FGF12: variants seen among roughly 807,000 people sequenced by gnomAD.
FGF12 encodes the protein fibroblast growth factor 12, also known as fibroblast growth factor 12B.
In FGF12, 14 loss-of-function variants were observed where a neutral mutation model predicts 23.6. The observed-to-expected ratio is 0.59, with a 90% CI of 0.39 to 0.93. FGF12 has a LOEUF of 0.93. Among genes scored for constraint, FGF12 ranks in the 40% least tolerant of loss-of-function variants. The pLI is 0.00. For synonymous variants in FGF12, 62 were observed against 77.3 expected (o/e 0.80, Z 1.04); for missense variants, 175 against 217.8 (o/e 0.80, Z 1.24).
intron 2 of FGF12, among the ~76,000 whole-genome samples, chr3:192,471,531 G>C (rs150021075): frequency 6.6e-6 from 1 of 152,084 alleles, no homozygotes; most frequent in Non-Finnish European, 1.5e-5. Context: ...GTATACCATG[G>C]TTCATATTTT....
In FGF12 at chr3:192,167,773, T is replaced by TATAA. The variant is rs1560175832; in HGVS notation, c.427+2684_427+2685insTTAT. 1.0e-3 allele frequency among the ~76,000 whole-genome samples: 13 copies of TATAA among 12,554 alleles called. 1 individual carries two copies. Among genetic ancestry groups the TATAA allele is most frequent in the African/African-American group, 1.7e-3 (9 of 5,158 alleles). The allele number at this position is 12,554 out of a possible 152,430, so 8.2% of individuals were successfully genotyped here. A position where few individuals can be genotyped will look rare whatever the true frequency, so the allele number is the denominator to read the frequency against. On this transcript the variant is annotated intron_variant, in intron 5 of 5. Transcript: ENST00000445105. ...TATATATATATATATATATATAAAA[T>TATAA]TTTTTTTTTTTTTTTTTTTTGAGAA...
chr3:192,404,577 G>A (rs145801131), intron 2 of FGF12, among the ~76,000 whole-genome samples: 25 of 152,294 alleles, frequency 1.6e-4, no homozygotes, highest in African/African-American at 4.1e-4. Context: ...ATATTCTAGT[G>A]TGCCTGACTA....
intron 4 of FGF12, among the ~76,000 whole-genome samples, chr3:192,221,990 C>T (rs1486775217): frequency 6.6e-6 from 1 of 152,104 alleles, no homozygotes; most frequent in Admixed American, 6.6e-5. Context: ...ATTCAAATTA[C>T]ATTTTTACCA....
chr3:192,597,858 C>A (rs903080576), intron 2 of FGF12, among the ~76,000 whole-genome samples: 1 of 152,246 alleles, frequency 6.6e-6, no homozygotes, highest in Non-Finnish European at 1.5e-5. Flanking sequence ...CTGGAGATGA[C>A]AATCTGGCAT....
intron 2 of FGF12, among the ~76,000 whole-genome samples, chr3:192,586,125 G>C (rs1713364781): frequency 6.6e-6 from 1 of 152,164 alleles, no homozygotes; most frequent in Non-Finnish European, 1.5e-5. Flanking sequence ...AAAAAGGTAT[G>C]AGTCTTTGCT....
At chr3:192,371,653 G>A (rs1267457028) in intron 2 of FGF12, among the ~76,000 whole-genome samples, 2 of 152,196 alleles carry the variant, frequency 1.3e-5, no homozygotes, top group African/African-American at 2.4e-5. Context: ...GAAAGGAAAT[G>A]CCAAGCAGTT....
chr3:192,699,884 T>C (rs773099673), intron 2 of FGF12, among the ~76,000 whole-genome samples: 15 of 152,332 alleles, frequency 9.8e-5, no homozygotes, highest in Non-Finnish European at 1.8e-4. Flanking sequence ...CAATGTCCCA[T>C]GCTGGAGTAA....
At chr3:192,308,213 C>CA (rs1715752274) in intron 4 of FGF12, among the ~76,000 whole-genome samples, 1 of 152,070 alleles carries the variant, frequency 6.6e-6, no homozygotes, top group Non-Finnish European at 1.5e-5. Flanking sequence ...AAAGAACAAA[C>CA]AAGTAAATGT....
At chr3:192,490,298 C>T (rs143962233) in intron 2 of FGF12, among the ~76,000 whole-genome samples, 241 of 152,124 alleles carry the variant, frequency 1.6e-3, no homozygotes, top group African/African-American at 5.4e-3. Flanking sequence ...ACCTCCATCA[C>T]TGAAGTATTT....
At chr3:192,584,102 T>A (rs1713272469) in intron 2 of FGF12, among the ~76,000 whole-genome samples, 1 of 152,198 alleles carries the variant, frequency 6.6e-6, no homozygotes, top group Non-Finnish European at 1.5e-5. Context: ...CACACCTTCA[T>A]TTCCTCTGAT....
At chr3:192,158,007 A>G (rs1331255247) in intron 5 of FGF12, among the ~76,000 whole-genome samples, 1 of 152,236 alleles carries the variant, frequency 6.6e-6, no homozygotes, top group Non-Finnish European at 1.5e-5. Flanking sequence ...CAGGGCAGTC[A>G]GCTTTAAAAT....
intron 2 of FGF12, among the ~76,000 whole-genome samples, chr3:192,467,488 G>A (rs1577000463): frequency 6.6e-6 from 1 of 152,308 alleles, no homozygotes; most frequent in East Asian, 1.9e-4. Context: ...CGCCGAACAG[G>A]TGAGCGGGAC....
intron 4 of FGF12, among the ~76,000 whole-genome samples, chr3:192,277,794 G>A (rs147813062): frequency 0.013 from 1,981 of 152,178 alleles, 35 homozygotes; most frequent in East Asian, 0.045. Flanking sequence ...ACAGAGTCTC[G>A]CTCTGTCGCC....
intron 4 of FGF12, among the ~76,000 whole-genome samples, chr3:192,176,197 T>G (rs895316203): frequency 6.6e-6 from 1 of 152,250 alleles, no homozygotes; most frequent in Non-Finnish European, 1.5e-5. Context: ...CCCCACTTCC[T>G]AACCCTCAAG....
At chr3:192,233,404 GT>G (rs1459134350) in intron 4 of FGF12, among the ~76,000 whole-genome samples, 2 of 151,920 alleles carry the variant, frequency 1.3e-5, no homozygotes, top group African/African-American at 4.8e-5. Context: ...GGGTTGTTTG[GT>G]TTTTCTTGTT....
At chr3:192,291,269 G>A (rs1714744338) in intron 4 of FGF12, among the ~76,000 whole-genome samples, 1 of 151,838 alleles carries the variant, frequency 6.6e-6, no homozygotes, top group African/African-American at 2.4e-5. Context: ...GAATCTTATG[G>A]ATGTTACTTT....
chr3:192,207,574 G>C (rs1393816017), intron 4 of FGF12, among the ~76,000 whole-genome samples: 1 of 152,204 alleles, frequency 6.6e-6, no homozygotes, highest in African/African-American at 2.4e-5. Flanking sequence ...AGTGTGGCTA[G>C]AGCATATGGC....
intron 4 of FGF12, among the ~76,000 whole-genome samples, chr3:192,215,505 C>T (rs1718147574): frequency 6.6e-6 from 1 of 152,092 alleles, no homozygotes; most frequent in African/African-American, 2.4e-5. Context: ...AGCATTGGGC[C>T]CAAATGTAAG....
chr3:192,618,464 G>C (rs1042819888), intron 2 of FGF12, among the ~76,000 whole-genome samples: 5 of 151,990 alleles, frequency 3.3e-5, no homozygotes, highest in Admixed American at 6.6e-5. Context: ...TAGGTGAAAA[G>C]AAGGAAGGAA....
Sources: gnomAD v4.1 joint callset for allele counts (sites outside exome capture counted in the v4.1 genomes callset) on GRCh38, gnomAD v4.1.1 for gene constraint, MANE v1.5 for transcripts, NCBI Gene and HGNC (gene_info 2026-07-23, HGNC 2026-07-21) for gene names.